The following ANGPT1 variants were observed in gnomAD, a reference collection of about 807,000 sequenced individuals.
The protein encoded by ANGPT1 is angiopoietin-1.
ANGPT1 carries 17 observed loss-of-function variants against 62.2 expected under a neutral mutation model. The ratio of observed to expected loss-of-function variants is 0.27; its 90% CI spans 0.19 to 0.41. The LOEUF (loss-of-function observed/expected upper bound fraction) is 0.41, where lower values mean the gene tolerates loss of function less well. ANGPT1 is among the 10% of genes least tolerant of loss of function. The probability of loss-of-function intolerance (pLI) is 1.00; values close to 1 mark genes in which losing one functional copy is unlikely to be tolerated. For missense variants in ANGPT1, 478 were observed against 594.9 expected, an observed-to-expected ratio of 0.80 and a Z score of 2.04; for synonymous variants, 199 against 198.9, an observed-to-expected ratio of 1.00 and a Z score of 0.00.
At chr8:107,353,756 C>T (rs1815982287) in intron 1 of ANGPT1, among the ~76,000 whole-genome samples, 1 of 152,100 alleles carries the variant, frequency 6.6e-6, no homozygotes, top group Admixed American at 6.5e-5. Context: ...AAGCCTGGTG[C>T]CAAATGCTAC....
chr8:107,287,473 G>A (rs1814170209), intron 6 of ANGPT1, among the ~76,000 whole-genome samples: 2 of 152,174 alleles, frequency 1.3e-5, no homozygotes, highest in Admixed American at 6.5e-5. Context: ...CCAAAAAACT[G>A]TCCAAGCATG....
intron 8 of ANGPT1, among the ~76,000 whole-genome samples, chr8:107,257,876 G>GTTTTTTGTTTTTTTTTTT (rs1371396961): frequency 1.2e-5 from 1 of 85,296 alleles, no homozygotes; most frequent in African/African-American, 4.6e-5. Context: ...ACTTGTTTTT[G>GTTTTTTGTTTTTTTTTTT]TTTCTTTTTT....
intron 1 of ANGPT1, among the ~76,000 whole-genome samples, chr8:107,392,285 A>G (rs1327359655): frequency 6.6e-6 from 1 of 152,194 alleles, no homozygotes; most frequent in African/African-American, 2.4e-5. Context: ...TCTTTTCACA[A>G]TAATGAAATA....
chr8:107,431,104 T>C (rs562506762), intron 1 of ANGPT1, among the ~76,000 whole-genome samples: 1 of 152,354 alleles, frequency 6.6e-6, no homozygotes, highest in Non-Finnish European at 1.5e-5. Flanking sequence ...ACAATAGTTC[T>C]TATAGAACAG....
At chr8:107,418,933 T>C (rs1283673) in intron 1 of ANGPT1, among the ~76,000 whole-genome samples, 87,629 of 152,080 alleles carry the variant, frequency 0.58, 25,481 homozygotes, top group East Asian at 0.72. Flanking sequence ...AATTATTTGA[T>C]GTATTTAGTT....
chr8:107,465,777 G>A (rs935391962), intron 1 of ANGPT1, among the ~76,000 whole-genome samples: 1 of 152,116 alleles, frequency 6.6e-6, no homozygotes, highest in Non-Finnish European at 1.5e-5. Flanking sequence ...AATCCTAACA[G>A]GTAGCATTTC....
Position 107,264,327 on chromosome 8 carries a change from C to T in ANGPT1, c.1230G>A (p.Gly410=). Residue 410 remains glycine (G), a synonymous_variant, in exon 8 of 9, where the codon GGG becomes GGA. Transcript: ENST00000517746. ...NYRLYLKGHT[G]TAGKQSSLIL... ...TCAGGCTGCTCTGTTTTCCTGCTGTCCCAGTGTGACCTTTTAAATACAACC... is the reference window on the plus strand; with the variant it reads ...TCAGGCTGCTCTGTTTTCCTGCTGTTCCAGTGTGACCTTTTAAATACAACC... The T allele has an allele frequency of 6.2e-7, 1 of 1,613,692 alleles. No individual in the cohort carries two copies. The highest frequency in any genetic ancestry group is 8.5e-7 in the Non-Finnish European group (1 of 1,179,804).
At chr8:107,293,447 A>G (rs1276346531) in intron 6 of ANGPT1, among the ~76,000 whole-genome samples, 2 of 152,208 alleles carry the variant, frequency 1.3e-5, no homozygotes, top group East Asian at 3.9e-4. Context: ...GTGCTACGTA[A>G]GAAGTCTGAT....
In ANGPT1 at chr8:107,402,314, T is replaced by C. The variant is rs1817062717; in HGVS notation, c.298-55217A>G. Among the ~76,000 whole-genome samples, 3 of 152,168 alleles carry C rather than the reference T, an allele frequency of 2.0e-5. No individual in the cohort carries two copies. In the South Asian group the frequency reaches 6.2e-4, roughly 31 times the overall value. On this transcript the variant is annotated intron_variant, in intron 1 of 8. Transcript: ENST00000517746. ...ATTATATTCCAGCCCAATTTGTGGT[T>C]GCAGCAAAAAGATAAATAACAGATG... is the stretch of plus-strand genomic sequence containing the variant.
At chr8:107,460,999 A>T (rs778318906) in intron 1 of ANGPT1, among the ~76,000 whole-genome samples, 18 of 152,152 alleles carry the variant, frequency 1.2e-4, no homozygotes, top group Non-Finnish European at 2.5e-4. Context: ...CTTGAACCTC[A>T]TAGCCACATT....
chr8:107,365,770 G>A (rs1351915585), intron 1 of ANGPT1, among the ~76,000 whole-genome samples: 1 of 151,818 alleles, frequency 6.6e-6, no homozygotes, highest in African/African-American at 2.4e-5. Flanking sequence ...ACATAACTAA[G>A]TCAGGTTAAA....
chr8:107,481,552 A>AT (rs1437194955), intron 1 of ANGPT1, among the ~76,000 whole-genome samples: 3 of 150,784 alleles, frequency 2.0e-5, no homozygotes, highest in Non-Finnish European at 3.0e-5. Flanking sequence ...AAAAAAAAAA[A>AT]AAAAGGAAGA....
chr8:107,370,330 G>GAA, intron 1 of ANGPT1, among the ~76,000 whole-genome samples: 1 of 30,448 alleles, frequency 3.3e-5, no homozygotes, highest in African/African-American at 8.1e-5. Context: ...AAAGAGAAAG[G>GAA]AAAGAAAGAA....
chr8:107,362,713 T>C (rs1422293489), intron 1 of ANGPT1, among the ~76,000 whole-genome samples: 3 of 152,194 alleles, frequency 2.0e-5, no homozygotes, highest in African/African-American at 4.8e-5. Flanking sequence ...TATTAAAAAG[T>C]CTAATGAGTT....
chr8:107,254,433 G>C (rs192105203), intron 8 of ANGPT1, among the ~76,000 whole-genome samples: 1 of 151,600 alleles, frequency 6.6e-6, no homozygotes, highest in Non-Finnish European at 1.5e-5. Context: ...AAGTAACTGC[G>C]GTTTTTGCCA....
intron 1 of ANGPT1, among the ~76,000 whole-genome samples, chr8:107,434,859 C>T (rs900730527): frequency 6.6e-6 from 1 of 152,174 alleles, no homozygotes; most frequent in Non-Finnish European, 1.5e-5. Context: ...AAACTCTTAG[C>T]TGTTGAGCAA....
At chr8:107,436,077 A>G (rs1198025178) in intron 1 of ANGPT1, among the ~76,000 whole-genome samples, 2 of 151,784 alleles carry the variant, frequency 1.3e-5, no homozygotes, top group African/African-American at 2.4e-5. Context: ...TAATTTTAAA[A>G]CTTTTTTTTG....
chr8:107,412,516 A>G (rs150016407), intron 1 of ANGPT1, among the ~76,000 whole-genome samples: 1 of 152,338 alleles, frequency 6.6e-6, no homozygotes, highest in African/African-American at 2.4e-5. Flanking sequence ...ACACATATAT[A>G]CATTGAACAT....
At chr8:107,324,197 A>ATATATATG (rs771179796) in intron 3 of ANGPT1, among the ~76,000 whole-genome samples, 1 of 121,982 alleles carries the variant, frequency 8.2e-6, no homozygotes, top group African/African-American at 3.0e-5. Context: ...GTATATATGT[A>ATATATATG]TATATATGTA....
Sources: gnomAD v4.1 joint callset for allele counts (sites outside exome capture counted in the v4.1 genomes callset) on GRCh38, gnomAD v4.1.1 for gene constraint, MANE v1.5 for transcripts, NCBI Gene and HGNC (gene_info 2026-07-23, HGNC 2026-07-21) for gene names.